SLC16A7: variants seen among roughly 807,000 people sequenced by gnomAD.
The protein encoded by SLC16A7 is solute carrier family 16 member 7, also known as monocarboxylate transporter 2.
A neutral mutation model predicts 34.9 loss-of-function variants in SLC16A7; 33 were observed. The ratio of observed to expected loss-of-function variants is 0.94; its 90% CI spans 0.72 to 1.26. The LOEUF (loss-of-function observed/expected upper bound fraction) is 1.26, where lower values mean the gene tolerates loss of function less well. Among genes scored for constraint, SLC16A7 ranks in the 50% most tolerant of loss-of-function variants. The pLI is 0.00. For missense variants in SLC16A7, 573 were observed against 578.1 expected, an observed-to-expected ratio of 0.99 and a Z score of 0.09; for synonymous variants, 201 against 206.6, an observed-to-expected ratio of 0.97 and a Z score of 0.23.
intron 1 of SLC16A7, among the ~76,000 whole-genome samples, chr12:59,630,216 T>C (rs575461376): frequency 2.0e-5 from 3 of 152,028 alleles, no homozygotes; most frequent in Admixed American, 1.3e-4. Context: ...AAGTTTATAG[T>C]CTCATCTTGA....
intron 3 of SLC16A7, among the ~76,000 whole-genome samples, chr12:59,755,411 A>G (rs999008967): frequency 1.3e-5 from 2 of 152,226 alleles, no homozygotes; most frequent in African/African-American, 4.8e-5. Flanking sequence ...GCAAAGTCTC[A>G]GGATAGAAAA....
rs1443940154 is a variant in SLC16A7 at position 59,775,040 on chromosome 12, A to C, written c.745A>C (p.Ile249Leu). 1.2e-6 allele frequency: 2 copies of C among 1,614,106 alleles called. No individual in the cohort carries two copies. The highest frequency in any genetic ancestry group is 1.7e-6 in the Non-Finnish European group (2 of 1,179,988). ...FSLFKHRGFL[I>L]YLSGNVIMFL... ...CCTTTTTAAGCATAGAGGATTTCTG[A>C]TATATCTGTCTGGAAATGTCATTAT... is the stretch of plus-strand genomic sequence containing the variant. The change falls in exon 5 of 6, where the codon ATA becomes CTA. Residue 249 changes from isoleucine to leucine, a missense_variant. By Grantham distance (5) the Ile-to-Leu change is conservative (BLOSUM62 2). Coordinates refer to ENST00000547379, the MANE Select transcript of SLC16A7 (RefSeq NM_001270623.2).
At chr12:59,657,041 T>A (rs1354892026) in intron 2 of SLC16A7, among the ~76,000 whole-genome samples, 1 of 151,936 alleles carries the variant, frequency 6.6e-6, no homozygotes, top group East Asian at 1.9e-4. Context: ...TGTTAAGTAC[T>A]TAGAATATTA....
intron 3 of SLC16A7, among the ~76,000 whole-genome samples, chr12:59,715,179 A>G (rs1184949246): frequency 6.6e-6 from 1 of 152,184 alleles, no homozygotes; most frequent in Non-Finnish European, 1.5e-5. Context: ...CAAACACTGA[A>G]TGAAAAAATA....
chr12:59,771,291 G>A lies in SLC16A7; in HGVS notation c.290G>A (p.Cys97Tyr). 6.2e-7 allele frequency: 1 copy of A among 1,613,430 alleles called. No homozygotes were observed. Among genetic ancestry groups the A allele is most frequent in the Non-Finnish European group, 8.5e-7 (1 of 1,179,578 alleles). ...PVVIAGGLLC[C>Y]LGMVLASFSS... ...GTGATAGCAGGAGGCTTATTATGCT[G>A]TCTTGGAATGGTGTTGGCCTCCTTT... Residue 97 changes from cysteine (C) to tyrosine (Y), a missense_variant, in exon 4 of 6, where the codon TGT becomes TAT. Physicochemically the swap from Cys to Tyr is radical, Grantham distance 194. Transcript: ENST00000547379.
At chr12:59,672,009 ATCCG>A (rs1869842574) in intron 2 of SLC16A7, among the ~76,000 whole-genome samples, 2 of 122 alleles carry the variant, frequency 0.016, no homozygotes, top group East Asian at 0.5. Context: ...ATATCCATAT[ATCCG>A]TATATATGTG....
rs115583125 is a variant in SLC16A7 at position 59,684,178 on chromosome 12, C to T, written c.-30-20594C>T. 6.5e-3 allele frequency among the ~76,000 whole-genome samples: 997 copies of T among 152,246 alleles called. 19 individuals carry two copies. Among genetic ancestry groups the T allele is most frequent in the African/African-American group, 0.023 (974 of 41,526 alleles). On this transcript the variant is annotated intron_variant, in intron 2 of 5. Coordinates refer to ENST00000547379, the MANE Select transcript of SLC16A7 (RefSeq NM_001270623.2). The stretch of plus-strand genomic sequence containing the variant: ...GCAACTCTAAAAGAGGACATTTTTC[C>T]TACTTTTTCTAGGCTCAGAGAAATA...
At chr12:59,615,975 C>T (rs574189863) in intron 1 of SLC16A7, among the ~76,000 whole-genome samples, 1 of 152,250 alleles carries the variant, frequency 6.6e-6, no homozygotes, top group Admixed American at 6.5e-5. Flanking sequence ...TGACTGTTCC[C>T]TGTAATGCCC....
At chr12:59,720,943 C>T (rs1326407773) in intron 3 of SLC16A7, among the ~76,000 whole-genome samples, 1 of 151,968 alleles carries the variant, frequency 6.6e-6, no homozygotes, top group Non-Finnish European at 1.5e-5. Flanking sequence ...TATCTACCTA[C>T]CATTAATTTT....
intron 1 of SLC16A7, among the ~76,000 whole-genome samples, chr12:59,597,911 A>G (rs771862723): frequency 4.6e-5 from 7 of 152,214 alleles, no homozygotes; most frequent in Non-Finnish European, 8.8e-5. Flanking sequence ...TGAAATTTTA[A>G]CATCTGTTTC....
intron 2 of SLC16A7, among the ~76,000 whole-genome samples, chr12:59,682,764 A>G (rs1042276117): frequency 2.0e-5 from 3 of 152,142 alleles, no homozygotes; most frequent in African/African-American, 7.2e-5. Context: ...TAGGAGTTCT[A>G]TATTGTCTAA....
chr12:59,722,074 C>A (rs1366232762), intron 3 of SLC16A7, among the ~76,000 whole-genome samples: 2 of 151,830 alleles, frequency 1.3e-5, no homozygotes, highest in African/African-American at 4.8e-5. Flanking sequence ...TCAACTTCTC[C>A]TGAACTCTAG....
At chr12:59,701,129 A>G (rs960617193) in intron 2 of SLC16A7, among the ~76,000 whole-genome samples, 2 of 151,792 alleles carry the variant, frequency 1.3e-5, no homozygotes, top group Non-Finnish European at 3.0e-5. Flanking sequence ...ATCTTCACTC[A>G]TCTTCATTTT....
chr12:59,672,365 T>G (rs1869950815), intron 2 of SLC16A7, among the ~76,000 whole-genome samples: 1 of 150,576 alleles, frequency 6.6e-6, no homozygotes, highest in South Asian at 2.1e-4. Flanking sequence ...TTGAATACAG[T>G]TTGAAGGTAT....
chr12:59,756,286 G>C (rs12228554), intron 3 of SLC16A7, among the ~76,000 whole-genome samples: 65 of 152,218 alleles, frequency 4.3e-4, no homozygotes, highest in Middle Eastern at 6.8e-3. Context: ...AGCTTCTGCA[G>C]AGCAAAACAA....
chr12:59,679,212 C>T (rs1870550968), intron 2 of SLC16A7, among the ~76,000 whole-genome samples: 1 of 152,172 alleles, frequency 6.6e-6, no homozygotes, highest in African/African-American at 2.4e-5. Flanking sequence ...ACAGGGATGG[C>T]CGGGTCCCCA....
rs371911181 is a variant in SLC16A7 at position 59,606,004 on chromosome 12, AATC to A, written c.-130+9777_-130+9779del. ...ATAATGTAGGTAGTCAATAAATGAT[AATC>A]ATCATCATGTCATTTTTATCTCTAC... On this transcript the variant is annotated intron_variant, in intron 1 of 5. Transcript: ENST00000547379. Among the ~76,000 whole-genome samples, 270 of 152,306 alleles carry A rather than the reference AATC, an allele frequency of 1.8e-3. 2 individuals carry two copies. Among genetic ancestry groups the A allele is most frequent in the African/African-American group, 6.4e-3 (264 of 41,564 alleles).
intron 5 of SLC16A7, among the ~76,000 whole-genome samples, chr12:59,778,721 A>G (rs1005075181): frequency 6.6e-6 from 1 of 152,126 alleles, no homozygotes; most frequent in Non-Finnish European, 1.5e-5. Flanking sequence ...ATAAAGTGAA[A>G]AACTAGGATT....
At chr12:59,779,088 T>G (rs1014226536) in intron 5 of SLC16A7, among the ~76,000 whole-genome samples, 2 of 152,200 alleles carry the variant, frequency 1.3e-5, no homozygotes, top group African/African-American at 2.4e-5. Context: ...AATAGAGATA[T>G]CTATATTCAC....
Sources: allele counts gnomAD v4.1 joint callset (sites outside exome capture counted in the v4.1 genomes callset), GRCh38; gene constraint gnomAD v4.1.1; transcripts MANE v1.5; gene names NCBI Gene and HGNC (gene_info 2026-07-23, HGNC 2026-07-21).